SALL1: variants seen among roughly 807,000 people sequenced by gnomAD.
SALL1 encodes sal-like protein 1.
SALL1 carries 10 observed loss-of-function variants against 73.1 expected under a neutral mutation model. The observed-to-expected ratio is 0.14, with a 90% CI of 0.08 to 0.23. The LOEUF is 0.23. Ranked by LOEUF, SALL1 falls within the 10% of genes least tolerant of loss-of-function variation. The pLI, the probability that SALL1 is intolerant of heterozygous loss-of-function variation, is 1.00. For missense variants in SALL1, 1,520 were observed against 1,697.3 expected, an observed-to-expected ratio of 0.90 and a Z score of 1.84; for synonymous variants, 688 against 689.8, an observed-to-expected ratio of 1.00 and a Z score of 0.04.
At position 51,139,255 on chromosome 16, in the gene SALL1, G is replaced by A. The variant is rs759617992; in HGVS notation, c.2967C>T (p.Leu989=). The part of the protein sequence containing the change: ...KIIKEDSLGI[L]FPFRDRGKFK... ...ATTTACCCCGGTCTCTAAAAGGGAAGAGGATCCCCAAAGAATCTTCTTTGA... is the reference window on the plus strand; with the variant it reads ...ATTTACCCCGGTCTCTAAAAGGGAAAAGGATCCCCAAAGAATCTTCTTTGA... The change falls in exon 2 of 3, where the codon CTC becomes CTT. Residue 989 remains leucine (L), a synonymous_variant. Transcript: ENST00000251020. The A allele has an allele frequency of 3.1e-6, 5 of 1,614,092 alleles. No individual in the cohort carries two copies. In the Admixed American group the frequency reaches 5.0e-5, roughly 16 times the overall value.
At chr16:51,151,126 T>C in intron 1 of SALL1, 40 bp downstream of exon 1, 1 of 1,508,650 alleles carries the variant, frequency 6.6e-7, no homozygotes, top group Non-Finnish European at 9.0e-7. Context: ...TGAGTGTGAG[T>C]GCGTGTGTGT....
intron 1 of SALL1, chr16:51,143,398 A>G (rs1962472114): frequency 2.8e-6 from 1 of 354,330 alleles, no homozygotes; most frequent in Non-Finnish European, 5.6e-6. Context: ...GTGTGTGGTC[A>G]TCTACGAAGG....
At chr16:51,149,975 C>T (rs896108654) in intron 1 of SALL1, among the ~76,000 whole-genome samples, 5 of 152,170 alleles carry the variant, frequency 3.3e-5, no homozygotes, top group African/African-American at 1.2e-4. Context: ...CCTTGTGCGT[C>T]CTCCCACAGC....
chr16:51,142,250 T>C, intron 1 of SALL1, 105 bp from the exon 2 acceptor site: 1 of 888,854 alleles, frequency 1.1e-6, no homozygotes, highest in South Asian at 1.4e-5. Context: ...CCTGCAAAAC[T>C]CAAAACTGTA....
Position 51,140,682 on chromosome 16 carries a change from G to A in SALL1, c.1540C>T (p.Pro514Ser), listed in dbSNP as rs781630660. Residue 514 changes from proline (P) to serine (S), a missense_variant, in exon 2 of 3, where the codon CCT (proline) becomes TCT (serine). Coordinates refer to ENST00000251020, the MANE Select transcript of SALL1 (RefSeq NM_002968.3). The surrounding 1 kb of genome is among the most constrained non-coding windows in gnomAD (Gnocchi z 5.7). ...GTGGGGATATTGTCCAAATGCTCAG[G>A]CACAGGATAGGGGTTCATCTGGATA... ...PHIQMNPYPVPEHLDNIPTST... is the reference protein window; with the variant it reads ...PHIQMNPYPVSEHLDNIPTST... 1.9e-6 allele frequency: 3 copies of A among 1,614,018 alleles called. No individual in the cohort carries two copies. In the African/African-American group the frequency reaches 4.0e-5, roughly 22 times the overall value.
chr16:51,141,466 G>C lies in SALL1; in HGVS notation c.756C>G (p.His252Gln), dbSNP rs774698705. The change falls in exon 2 of 3, where the codon CAC becomes CAG. Residue 252 changes from histidine to glutamine, a missense_variant. By Grantham distance (24) the His-to-Gln change is conservative (BLOSUM62 0). This residue lies in a region of SALL1 where 540 missense variants were observed against 567.5 expected (regional missense o/e 0.95). Transcript: ENST00000251020. The surrounding 1 kb of genome is among the most constrained non-coding windows in gnomAD (Gnocchi z 5.4). ...TCTGAGAAGCCAACAGCAATATTTG[G>C]TGACGAATCTGTTCGATCAATTGCA... ...HQLQLIEQIR[H>Q]QILLLASQNA... 5 of 1,614,030 alleles carry C rather than the reference G, an allele frequency of 3.1e-6. No individual in the cohort carries two copies.
Position 51,139,014 on chromosome 16 carries a change from T to G in SALL1, c.3208A>C (p.Asn1070His). The change falls in exon 2 of 3, where the codon AAT (asparagine) becomes CAT (histidine). Residue 1070 changes from asparagine to histidine, a missense_variant. Physicochemically the swap from Asn to His is moderately conservative, Grantham distance 68. Transcript: ENST00000251020. ...GCGGGAATCACCGCTGAGTTCTGAT[T>G]GGGGCCAAGGTTGGAACTGGGCTCA... ...LFEPSSNLGP[N>H]QNSAVIPANS... The G allele has an allele frequency of 6.2e-7, 1 of 1,614,144 alleles. No homozygotes were observed. Among genetic ancestry groups the G allele is most frequent in the Non-Finnish European group, 8.5e-7 (1 of 1,180,020 alleles).
chr16:51,143,636 T>G (rs2143457289), intron 1 of SALL1, among the ~76,000 whole-genome samples: 1 of 152,334 alleles, frequency 6.6e-6, no homozygotes, highest in Non-Finnish European at 1.5e-5. Flanking sequence ...TGCTTTTTTG[T>G]AGTAAACATT....
intron 1 of SALL1, among the ~76,000 whole-genome samples, chr16:51,146,248 A>T (rs1328072535): frequency 6.6e-6 from 1 of 152,154 alleles, no homozygotes; most frequent in Non-Finnish European, 1.5e-5. Context: ...GAAATCTCTG[A>T]AAAAATAACA....
intron 1 of SALL1, among the ~76,000 whole-genome samples, chr16:51,148,582 G>A (rs561172017): frequency 3.3e-5 from 5 of 152,322 alleles, no homozygotes; most frequent in Non-Finnish European, 7.3e-5. Flanking sequence ...TGGGTTATAT[G>A]TGGGGAGAAG....
intron 1 of SALL1, among the ~76,000 whole-genome samples, chr16:51,148,392 C>T (rs1453114835): frequency 6.6e-6 from 1 of 152,172 alleles, no homozygotes; most frequent in Non-Finnish European, 1.5e-5. Flanking sequence ...ATGAGAAGTG[C>T]ATGAACTAGA....
At position 51,141,831 on chromosome 16, in the gene SALL1, C is replaced by T. The variant is rs1333733249; in HGVS notation, c.391G>A (p.Val131Ile). 1 of 1,613,760 alleles carries T rather than the reference C, an allele frequency of 6.2e-7. No homozygotes were observed. Among genetic ancestry groups the T allele is most frequent in the Non-Finnish European group, 8.5e-7 (1 of 1,180,044 alleles). The change falls in exon 2 of 3, where the codon GTT (valine) becomes ATT (isoleucine). Residue 131 changes from valine (V) to isoleucine (I), a missense_variant. Around this residue, in one of 7 missense-constraint regions of SALL1, gnomAD observed 540 missense variants for 567.5 expected, o/e 0.95. Transcript: ENST00000251020. The surrounding 1 kb of genome is among the most constrained non-coding windows in gnomAD (Gnocchi z 5.4). Reference sequence around the variant, plus strand: ...GTGCCGCTGCCGCTTTTGTTAGCAACCGGGGCCTCCACCTCCATGGACTCT... The same window carrying T: ...GTGCCGCTGCCGCTTTTGTTAGCAATCGGGGCCTCCACCTCCATGGACTCT... ...REESMEVEAP[V>I]ANKSGSGTSS...
upstream of SALL1, chr16:51,151,505 T>G (rs1962606844): frequency 6.1e-6 from 1 of 164,724 alleles, no homozygotes; most frequent in Non-Finnish European, 1.3e-5. Context: ...CCGCTCGCCT[T>G]AATCAATTAG....
At chr16:51,142,200 C>A (rs1962453687) in intron 1 of SALL1, 55 bp from the exon 2 acceptor site, 2 of 1,355,490 alleles carry the variant, frequency 1.5e-6, no homozygotes, top group Non-Finnish European at 2.1e-6. Context: ...ACACAGTCAC[C>A]TATGACTTAA....
chr16:51,149,407 A>G (rs1351501536), intron 1 of SALL1: 3 of 152,202 alleles, frequency 2.0e-5, no homozygotes, highest in Admixed American at 6.5e-5. Flanking sequence ...TTTAGGAAAG[A>G]TGAGTGTGAC....
At chr16:51,151,683 C>T (rs902671731), upstream of SALL1, among the ~76,000 whole-genome samples, 124 of 151,466 alleles carry the variant, frequency 8.2e-4, no homozygotes, top group African/African-American at 2.9e-3. Context: ...ACTGCGGGCC[C>T]GGCGCCCCGG....
chr16:51,136,481 CACAAT>C lies in SALL1; in HGVS notation c.*626_*630del, dbSNP rs1962301183. 1 of 152,572 alleles carries C rather than the reference CACAAT, an allele frequency of 6.6e-6. No individual in the cohort carries two copies. Among genetic ancestry groups the C allele is most frequent in the Non-Finnish European group, 1.5e-5 (1 of 68,134 alleles). The allele number at this position is 152,572 out of a possible 1,614,324, so 9.5% of individuals were successfully genotyped here. On this transcript the variant is annotated 3_prime_UTR_variant, in exon 3 of 3. Transcript: ENST00000251020. ...CATTGAAGACGACTCAAGTAAAAAG[CACAAT>C]ACAAATAGCAGTTCAAAATGGAAAT...
At chr16:51,145,582 T>C (rs1962504914) in intron 1 of SALL1, among the ~76,000 whole-genome samples, 2 of 152,190 alleles carry the variant, frequency 1.3e-5, no homozygotes, top group South Asian at 4.1e-4. Context: ...AAATCCCAGA[T>C]GCTTTAGTTC....
Position 51,137,088 on chromosome 16 carries a change from G to T in SALL1, c.*24C>A. 5 of 1,612,766 alleles carry T rather than the reference G, an allele frequency of 3.1e-6. No individual in the cohort carries two copies. ...GGTCGCATTCTGAACAGGAATGAAT[G>T]CTATGTCTCCAGCCCGAGCTGCTTT... On this transcript the variant is annotated 3_prime_UTR_variant, in exon 3 of 3. Transcript: ENST00000251020.
Sources: gnomAD v4.1 joint callset for allele counts (sites outside exome capture counted in the v4.1 genomes callset) on GRCh38, gnomAD v4.1.1 for gene constraint, gnomAD v4.1.1 regional missense constraint, Gnocchi (gnomAD v3.1) non-coding constraint, MANE v1.5 for transcripts, NCBI Gene and HGNC (gene_info 2026-07-23, HGNC 2026-07-21) for gene names.